The following CLASP1 variants were observed in gnomAD, a reference collection of about 807,000 sequenced individuals.
The protein encoded by CLASP1 is cytoplasmic linker associated protein 1.
A neutral mutation model predicts 192.3 loss-of-function variants in CLASP1; 38 were observed. That is an observed-to-expected ratio of 0.20 (90% CI 0.15 to 0.26). The LOEUF is 0.26. Ranked by LOEUF, CLASP1 falls within the 10% of genes least tolerant of loss-of-function variation. The pLI is 1.00. For synonymous variants in CLASP1, 691 were observed against 712.8 expected (o/e 0.97, Z 0.49); for missense variants, 1,433 against 1,932.5 (o/e 0.74, Z 4.85).
intron 2 of CLASP1, among the ~76,000 whole-genome samples, chr2:121,581,776 T>C (rs1209181891): frequency 1.3e-5 from 2 of 152,164 alleles, no homozygotes; most frequent in Admixed American, 1.3e-4. Flanking sequence ...TCCCAGCTAC[T>C]TGGAAGGCTG....
intron 39 of CLASP1, among the ~76,000 whole-genome samples, chr2:121,345,084 G>C (rs940632194): frequency 5.3e-5 from 8 of 152,322 alleles, no homozygotes; most frequent in Middle Eastern, 3.4e-3. Context: ...GCTTGAACCT[G>C]GGAGACAGAG....
intron 2 of CLASP1, among the ~76,000 whole-genome samples, chr2:121,602,041 G>A (rs181107233): frequency 1.3e-5 from 2 of 152,082 alleles, no homozygotes; most frequent in Admixed American, 1.3e-4. Context: ...CGGGTATGGT[G>A]GTGCACGCCT....
intron 6 of CLASP1, among the ~76,000 whole-genome samples, chr2:121,522,672 A>C (rs1393709476): frequency 6.6e-6 from 1 of 152,114 alleles, no homozygotes; most frequent in African/African-American, 2.4e-5. Context: ...TATTCCCCAT[A>C]ATCAGTCCAG....
At chr2:121,543,893 G>A (rs868167940) in intron 2 of CLASP1, among the ~76,000 whole-genome samples, 1 of 152,136 alleles carries the variant, frequency 6.6e-6, no homozygotes, top group Non-Finnish European at 1.5e-5. Flanking sequence ...GGCAGTGAAC[G>A]TCTATCTTAC....
chr2:121,607,225 G>A (rs572692801), intron 1 of CLASP1, among the ~76,000 whole-genome samples: 13 of 152,138 alleles, frequency 8.5e-5, no homozygotes, highest in African/African-American at 2.9e-4. Context: ...TGTAATCCCA[G>A]CTACTTAGGA....
At chr2:121,346,371 TTTGTTG>T (rs942333105) in intron 39 of CLASP1, among the ~76,000 whole-genome samples, 2 of 152,040 alleles carry the variant, frequency 1.3e-5, no homozygotes, top group Admixed American at 6.5e-5. Context: ...CACATTTGAG[TTTGTTG>T]TTGTTGTTGT....
exon 19 of CLASP1, chr2:121,447,369 G>T: frequency 6.3e-7 from 1 of 1,589,210 alleles, no homozygotes; most frequent in Non-Finnish European, 8.6e-7. Flanking sequence ...AGGCAAAGCT[G>T]CTGCAGAGCT....
chr2:121,578,791 A>C (rs1238009240), intron 2 of CLASP1, among the ~76,000 whole-genome samples: 1 of 152,138 alleles, frequency 6.6e-6, no homozygotes, highest in African/African-American at 2.4e-5. Flanking sequence ...AAATAAAGCA[A>C]TTGCTTCTTA....
intron 2 of CLASP1, among the ~76,000 whole-genome samples, chr2:121,584,738 C>T (rs1444777611): frequency 6.6e-6 from 1 of 152,126 alleles, no homozygotes; most frequent in Non-Finnish European, 1.5e-5. Context: ...GTAGCCTTCA[C>T]CCATTACAAT....
At chr2:121,627,867 TA>T in intron 1 of CLASP1, among the ~76,000 whole-genome samples, 1 of 152,306 alleles carries the variant, frequency 6.6e-6, no homozygotes, top group African/African-American at 2.4e-5. Flanking sequence ...CAGCGAAAAA[TA>T]ATGTGGAACA....
chr2:121,376,526 T>TGGGGGGGGGGGAGGGGG (rs61313144), intron 34 of CLASP1, among the ~76,000 whole-genome samples: 7 of 105,120 alleles, frequency 6.7e-5, no homozygotes, highest in East Asian at 2.7e-4. Context: ...TGGGAAGGGG[T>TGGGGGGGGGGGAGGGGG]GGGGGGGGGG....
intron 8 of CLASP1, among the ~76,000 whole-genome samples, chr2:121,478,729 C>CACA (rs2092044615): frequency 2.3e-5 from 2 of 88,852 alleles, no homozygotes; most frequent in African/African-American, 4.3e-5. Context: ...CACACACACA[C>CACA]CACACACACA....
At chr2:121,632,661 C>T (rs2069931840) in intron 1 of CLASP1, among the ~76,000 whole-genome samples, 2 of 152,096 alleles carry the variant, frequency 1.3e-5, no homozygotes, top group Non-Finnish European at 2.9e-5. Flanking sequence ...CTTTGAGAGG[C>T]CGAGGTTGGC....
chr2:121,497,088 T>C (rs1440859459), intron 8 of CLASP1, among the ~76,000 whole-genome samples: 3 of 151,204 alleles, frequency 2.0e-5, no homozygotes, highest in Non-Finnish European at 4.4e-5. Flanking sequence ...GGGGGAAGAG[T>C]AAAGTGAAAA....
chr2:121,522,853 T>C (rs2094489298), intron 6 of CLASP1, among the ~76,000 whole-genome samples: 1 of 152,224 alleles, frequency 6.6e-6, no homozygotes, highest in Admixed American at 6.5e-5. Flanking sequence ...TTTAAAGCAC[T>C]ATACAGCTGA....
chr2:121,443,694 A>G (rs1260230427), intron 19 of CLASP1, among the ~76,000 whole-genome samples: 1 of 152,166 alleles, frequency 6.6e-6, no homozygotes, highest in Non-Finnish European at 1.5e-5. Context: ...GGCTTATTAG[A>G]AATTCAGATT....
intron 37 of CLASP1, among the ~76,000 whole-genome samples, chr2:121,360,283 A>C (rs1339142037): frequency 6.6e-6 from 1 of 152,218 alleles, no homozygotes; most frequent in African/African-American, 2.4e-5. Context: ...AAGCTCCAAG[A>C]GAGCTAACTT....
At chr2:121,405,323 TAAAA>T (rs1159453393) in intron 25 of CLASP1, among the ~76,000 whole-genome samples, 1 of 151,986 alleles carries the variant, frequency 6.6e-6, no homozygotes, top group Admixed American at 6.6e-5. Flanking sequence ...AATAAATAAA[TAAAA>T]TAAATAAGTA....
chr2:121,384,409 A>G (rs2072705818), intron 32 of CLASP1, among the ~76,000 whole-genome samples: 1 of 151,890 alleles, frequency 6.6e-6, no homozygotes, highest in South Asian at 2.1e-4. Flanking sequence ...GCTAGTTTCA[A>G]ACTCCTGGGC....
Sources: gnomAD v4.1 joint callset for allele counts (sites outside exome capture counted in the v4.1 genomes callset) on GRCh38, gnomAD v4.1.1 for gene constraint, MANE v1.5 for transcripts, NCBI Gene and HGNC (gene_info 2026-07-23, HGNC 2026-07-21) for gene names.